Variants in FN1 observed in about 807,000 individuals in gnomAD.
The protein encoded by FN1 is fibronectin 1.
A neutral mutation model predicts 297.3 loss-of-function variants in FN1; 106 were observed. That is an observed-to-expected ratio of 0.36 (90% CI 0.30 to 0.42). The LOEUF is 0.42. Among genes scored for constraint, FN1 ranks in the 10% least tolerant of loss-of-function variants. The probability of loss-of-function intolerance (pLI) is 1.00; values close to 1 mark genes in which losing one functional copy is unlikely to be tolerated. For synonymous variants in FN1, 1,149 were observed against 1,152.6 expected, an observed-to-expected ratio of 1.00 and a Z score of 0.06; for missense variants, 2,690 against 3,124.9, an observed-to-expected ratio of 0.86 and a Z score of 3.32.
intron 10 of FN1, 39 bp downstream of exon 10, chr2:215,422,052 T>C (rs200686656): frequency 1.9e-6 from 3 of 1,608,394 alleles, no homozygotes; most frequent in East Asian, 4.5e-5. Context: ...TTCTGTACCT[T>C]TTGCCATCTC....
chr2:215,412,577 C>G (rs2062813289), intron 13 of FN1, among the ~76,000 whole-genome samples: 1 of 152,138 alleles, frequency 6.6e-6, no homozygotes, highest in Non-Finnish European at 1.5e-5. Context: ...GCTGGGACTA[C>G]AGGTGCATGC....
At chr2:215,407,973 CACACA>C in intron 17 of FN1, 130 bp downstream of exon 17, 2 of 710,092 alleles carry the variant, frequency 2.8e-6, no homozygotes, top group East Asian at 2.8e-5. Context: ...CACACACACA[CACACA>C]CAAACCCCTC....
At chr2:215,424,565 T>A (rs935639551) in intron 7 of FN1, among the ~76,000 whole-genome samples, 4 of 152,246 alleles carry the variant, frequency 2.6e-5, no homozygotes, top group Non-Finnish European at 5.9e-5. Flanking sequence ...TCTGCTGCCA[T>A]GCCTCAGTTT....
chr2:215,401,673 T>C (rs1287629042), intron 20 of FN1, among the ~76,000 whole-genome samples: 1 of 152,176 alleles, frequency 6.6e-6, no homozygotes, highest in South Asian at 2.1e-4. Context: ...TTAAAAAGTG[T>C]TCAGACTCCA....
rs11358448 is a variant in FN1 at position 215,371,673 on chromosome 2, CTT to C, written c.6714+234_6714+235del. Among the ~76,000 whole-genome samples, 2,218 of 108,960 alleles carry C rather than the reference CTT, an allele frequency of 0.02. 52 individuals carry two copies. Among genetic ancestry groups the C allele is most frequent in the African/African-American group, 0.07 (1,889 of 27,024 alleles). 71.5% of individuals were successfully genotyped at this position (108,960 alleles called of 152,430 possible). On this transcript the variant is annotated intron_variant, in intron 40 of 45. Coordinates refer to ENST00000354785, the MANE Select transcript of FN1 (RefSeq NM_212482.4). ...CTAAGAGGTTCTAAAAGTGGAGCCA[CTT>C]TTTTTTTTTTTTTTTTTTCAAGAGA...
At chr2:215,381,227 C>T (rs2058160119) in intron 32 of FN1, 147 bp from the exon 33 acceptor site, 2 of 762,536 alleles carry the variant, frequency 2.6e-6, no homozygotes, top group African/African-American at 3.5e-5. Flanking sequence ...CACTTAAACA[C>T]TTGCTTAATT....
At chr2:215,414,416 G>A (rs1020409316) in intron 13 of FN1, among the ~76,000 whole-genome samples, 1 of 151,870 alleles carries the variant, frequency 6.6e-6, no homozygotes, top group Admixed American at 6.6e-5. Context: ...AATCAAAAAA[G>A]AAATATATTA....
chr2:215,394,903 AT>A (rs1194615367), intron 23 of FN1, among the ~76,000 whole-genome samples, 184 bp from the exon 24 acceptor site: 2 of 151,946 alleles, frequency 1.3e-5, no homozygotes, highest in Non-Finnish European at 2.9e-5. Context: ...TCCTCACTTT[AT>A]TTTTTTATTT....
At position 215,430,614 on chromosome 2, in the gene FN1, A is replaced by G. The variant is rs7586990; in HGVS notation, c.685+101T>C. ...TTCCAGAAGTTACCAAAGCATGCTGATATACTGGATGTGTTCTGAGTAACA... is the reference window on the plus strand; with the variant it reads ...TTCCAGAAGTTACCAAAGCATGCTGGTATACTGGATGTGTTCTGAGTAACA... On this transcript the variant is annotated intron_variant, in intron 5 of 45. Coordinates refer to ENST00000354785, the MANE Select transcript of FN1 (RefSeq NM_212482.4). 302,799 of 1,362,056 alleles carry G rather than the reference A, an allele frequency of 0.22. 37,321 individuals carry two copies. Among genetic ancestry groups the G allele is most frequent in the Non-Finnish European group, 0.25 (242,758 of 962,780 alleles). 84.4% of individuals were successfully genotyped at this position (1,362,056 alleles called of 1,614,324 possible).
chr2:215,383,171 A>G (rs573882935), intron 31 of FN1, among the ~76,000 whole-genome samples, 157 bp downstream of exon 31: 1 of 151,868 alleles, frequency 6.6e-6, no homozygotes, highest in East Asian at 1.9e-4. Flanking sequence ...TGCCCAGCTA[A>G]TTTTTTTGTA....
intron 17 of FN1, among the ~76,000 whole-genome samples, 167 bp downstream of exon 17, chr2:215,407,941 T>TC (rs1183551427): frequency 0.069 from 2,239 of 32,326 alleles, 115 homozygotes; most frequent in African/African-American, 0.14. Flanking sequence ...AGAAAATAAC[T>TC]CCCCCACCCC....
intron 36 of FN1, 59 bp downstream of exon 36, chr2:215,376,439 G>A: frequency 6.9e-7 from 1 of 1,454,686 alleles, no homozygotes; most frequent in Non-Finnish European, 9.7e-7. Context: ...CAGTTAATAA[G>A]CCCGTTTACA....
chr2:215,400,936 C>T (rs1293375386), intron 20 of FN1, among the ~76,000 whole-genome samples: 1 of 150,890 alleles, frequency 6.6e-6, no homozygotes, highest in African/African-American at 2.4e-5. Context: ...GCTGGGACTA[C>T]AGTTGCCCAC....
intron 6 of FN1, among the ~76,000 whole-genome samples, chr2:215,427,399 T>C (rs949375764): frequency 6.6e-6 from 1 of 152,208 alleles, no homozygotes; most frequent in African/African-American, 2.4e-5. Flanking sequence ...AATCAAAACA[T>C]ATTAAAAATA....
intron 23 of FN1, among the ~76,000 whole-genome samples, chr2:215,395,158 TC>T (rs1203558237): frequency 6.6e-6 from 1 of 152,150 alleles, no homozygotes; most frequent in East Asian, 1.9e-4. Flanking sequence ...AGAATCGCTC[TC>T]CACCTTAAGC....
At chr2:215,366,851 A>G (rs1163820741) in intron 42 of FN1, among the ~76,000 whole-genome samples, 1 of 152,256 alleles carries the variant, frequency 6.6e-6, no homozygotes, top group Non-Finnish European at 1.5e-5. Flanking sequence ...TTCAGGAGTT[A>G]AAAACCATCT....
rs1339948076 is a variant in FN1, at chr2:215,407,242, G to A, written c.2598C>T (p.Thr866=). 2 of 1,613,884 alleles carry A rather than the reference G, an allele frequency of 1.2e-6. No individual in the cohort carries two copies. Among genetic ancestry groups the A allele is most frequent in the Non-Finnish European group, 8.5e-7 (1 of 1,179,772 alleles). Reference sequence around the variant, plus strand: ...GAACACCAGGTTGCAAGTCACTGAGGGTGACGGAGTTTGCAGTTTCAGGAA... The same window carrying A: ...GAACACCAGGTTGCAAGTCACTGAGAGTGACGGAGTTTGCAGTTTCAGGAA... ...LNLPETANSV[T]LSDLQPGVQY... The change falls in exon 18 of 46, where the codon ACC becomes ACT. Residue 866 remains threonine (T), a synonymous_variant. Transcript: ENST00000354785.
chr2:215,394,390 G>C (rs746944721), intron 24 of FN1, 138 bp downstream of exon 24: 7 of 802,942 alleles, frequency 8.7e-6, no homozygotes, highest in Non-Finnish European at 1.3e-5. Flanking sequence ...TGACTTCTTG[G>C]TTTTGGAAAG....
chr2:215,432,508 T>C (rs1898536), intron 3 of FN1, among the ~76,000 whole-genome samples: 33,609 of 152,236 alleles, frequency 0.22, 4,028 homozygotes, highest in Non-Finnish European at 0.25. Flanking sequence ...GTAAACACTA[T>C]GGACCCTTGC....
Sources: allele counts gnomAD v4.1 joint callset (sites outside exome capture counted in the v4.1 genomes callset), GRCh38; gene constraint gnomAD v4.1.1; transcripts MANE v1.5; gene names NCBI Gene and HGNC (gene_info 2026-07-23, HGNC 2026-07-21).